Variants in PRDM1 observed in about 807,000 individuals in gnomAD.
The protein encoded by PRDM1 is PR domain zinc finger protein 1.
In PRDM1, 13 loss-of-function variants were observed where a neutral mutation model predicts 62.8. The ratio of observed to expected loss-of-function variants is 0.21; its 90% CI spans 0.13 to 0.33. PRDM1 has a LOEUF of 0.33. Among genes scored for constraint, PRDM1 ranks in the 10% least tolerant of loss-of-function variants. The pLI is 1.00. For synonymous variants in PRDM1, 396 were observed against 417.6 expected, an observed-to-expected ratio of 0.95 and a Z score of 0.63; for missense variants, 895 against 1,058.8, an observed-to-expected ratio of 0.85 and a Z score of 2.15.
chr6:106,041,123 GTTTC>G (rs1772988488), intron 1 of PRDM1, among the ~76,000 whole-genome samples: 1 of 152,198 alleles, frequency 6.6e-6, no homozygotes. Context: ...CAGCAGGAAT[GTTTC>G]TTGTGTTCAA....
At chr6:106,035,305 C>T (rs553355839) in intron 1 of PRDM1, among the ~76,000 whole-genome samples, 30 of 152,238 alleles carry the variant, frequency 2.0e-4, no homozygotes, top group African/African-American at 6.3e-4. Flanking sequence ...CATCCTTCTT[C>T]GTCTCTTCTA....
At chr6:106,068,311 C>T (rs1254425980) in intron 1 of PRDM1, among the ~76,000 whole-genome samples, 4 of 152,026 alleles carry the variant, frequency 2.6e-5, no homozygotes, top group East Asian at 1.9e-4. Flanking sequence ...AGGCTGGTTT[C>T]GAACTCCTGA....
chr6:106,073,239 C>T (rs541784214), intron 1 of PRDM1, among the ~76,000 whole-genome samples: 2 of 151,992 alleles, frequency 1.3e-5, no homozygotes, highest in African/African-American at 4.8e-5. Context: ...CTCGGCCTCC[C>T]GAGTAGCTGG....
intron 1 of PRDM1, among the ~76,000 whole-genome samples, chr6:106,058,555 C>T (rs1773297660): frequency 6.6e-6 from 1 of 152,136 alleles, no homozygotes; most frequent in Admixed American, 6.6e-5. Flanking sequence ...GGCATTCCCA[C>T]TAGCCAGCAT....
At chr6:106,018,443 A>G (rs1772651842) in intron 1 of PRDM1, among the ~76,000 whole-genome samples, 1 of 152,156 alleles carries the variant, frequency 6.6e-6, no homozygotes, top group Non-Finnish European at 1.5e-5. Flanking sequence ...TGAAATCCAT[A>G]CTTCATTCAG....
chr6:106,002,110 C>CA (rs547827401), intron 1 of PRDM1, among the ~76,000 whole-genome samples: 92 of 145,220 alleles, frequency 6.3e-4, no homozygotes, highest in East Asian at 1.2e-3. Context: ...TGTTGGGTTG[C>CA]AAAAAAAAAA....
chr6:106,084,820 C>G (rs1201007973), upstream of PRDM1, among the ~76,000 whole-genome samples: 1 of 152,170 alleles, frequency 6.6e-6, no homozygotes, highest in East Asian at 1.9e-4. Flanking sequence ...CCTGCTTCCT[C>G]TTGGTGCTAG....
intron 1 of PRDM1, among the ~76,000 whole-genome samples, chr6:106,023,194 T>G (rs1175386499): frequency 6.6e-6 from 1 of 152,244 alleles, no homozygotes; most frequent in Non-Finnish European, 1.5e-5. Flanking sequence ...GGACATGATC[T>G]TTGTAGCCTC....
upstream of PRDM1, chr6:106,086,181 A>G (rs1773795877): frequency 3.3e-6 from 1 of 301,640 alleles, no homozygotes; most frequent in Non-Finnish European, 6.1e-6. Flanking sequence ...GTTGAAATAC[A>G]CATGCGAAGA....
chr6:106,015,889 T>C (rs1772613412), intron 1 of PRDM1, among the ~76,000 whole-genome samples: 1 of 152,134 alleles, frequency 6.6e-6, no homozygotes, highest in Non-Finnish European at 1.5e-5. Context: ...TTCAGTAGCA[T>C]TAAGTTTATT....
chr6:106,086,436 G>A lies in PRDM1; in HGVS notation c.-118G>A. 1.1e-6 allele frequency: 1 copy of A among 935,264 alleles called. No homozygotes were observed. Among genetic ancestry groups the A allele is most frequent in the Non-Finnish European group, 1.6e-6 (1 of 619,600 alleles). 57.9% of individuals were successfully genotyped at this position (935,264 alleles called of 1,614,324 possible). A position where few individuals can be genotyped will look rare whatever the true frequency, so the allele number is the denominator to read the frequency against. On this transcript the variant is annotated 5_prime_UTR_variant, in exon 1 of 7. Coordinates refer to ENST00000369096, the MANE Select transcript of PRDM1 (RefSeq NM_001198.4). ...GTCCGCCCGGAGCTGGGACGCGGGC[G>A]CCCGGGCGGCCGGACGAAGCGAGGA...
At chr6:106,034,993 A>G (rs1361804467) in intron 1 of PRDM1, among the ~76,000 whole-genome samples, 2 of 152,206 alleles carry the variant, frequency 1.3e-5, no homozygotes, top group Non-Finnish European at 2.9e-5. Flanking sequence ...TGTGCTGTGC[A>G]CACTTGAGAA....
chr6:106,085,753 A>G (rs944515210), upstream of PRDM1, among the ~76,000 whole-genome samples: 2 of 151,570 alleles, frequency 1.3e-5, no homozygotes, highest in East Asian at 3.9e-4. Context: ...GTAGAATTAT[A>G]ACTTTTGCCT....
At chr6:106,044,851 G>A (rs1434374958), upstream of PRDM1, among the ~76,000 whole-genome samples, 1 of 152,274 alleles carries the variant, frequency 6.6e-6, no homozygotes, top group South Asian at 2.1e-4. Flanking sequence ...GGCAGTGAAC[G>A]TCATTTTCAT....
At chr6:105,996,106 T>A (rs182977531) in intron 1 of PRDM1, among the ~76,000 whole-genome samples, 2 of 152,336 alleles carry the variant, frequency 1.3e-5, no homozygotes, top group East Asian at 1.9e-4. Context: ...GGTGAAATCC[T>A]TAAAATATAA....
chr6:106,049,684 C>CCACA (rs534982498), intron 1 of PRDM1, among the ~76,000 whole-genome samples: 4 of 151,030 alleles, frequency 2.6e-5, no homozygotes, highest in Admixed American at 6.6e-5. Flanking sequence ...ATGCACATGG[C>CCACA]CACACACACA....
chr6:106,035,939 A>T (rs1363164336), intron 1 of PRDM1, among the ~76,000 whole-genome samples: 2 of 151,938 alleles, frequency 1.3e-5, no homozygotes, highest in Admixed American at 6.6e-5. Context: ...TTTAAATAAA[A>T]TTTTTTTAAA....
intron 1 of PRDM1, among the ~76,000 whole-genome samples, chr6:106,021,016 A>G (rs1019353386): frequency 6.6e-6 from 1 of 152,212 alleles, no homozygotes; most frequent in Admixed American, 6.5e-5. Context: ...GGCTCTTATT[A>G]TAAAAGACTA....
chr6:106,030,578 G>A (rs990856649), intron 1 of PRDM1, among the ~76,000 whole-genome samples: 1 of 151,888 alleles, frequency 6.6e-6, no homozygotes, highest in Non-Finnish European at 1.5e-5. Context: ...GGGGTGGGGG[G>A]CAGGTAACTT....
Sources: gnomAD v4.1 joint callset for allele counts (sites outside exome capture counted in the v4.1 genomes callset) on GRCh38, gnomAD v4.1.1 for gene constraint, MANE v1.5 for transcripts, NCBI Gene and HGNC (gene_info 2026-07-23, HGNC 2026-07-21) for gene names.